The following TUBGCP2 variants were observed in gnomAD, a reference collection of about 807,000 sequenced individuals.
TUBGCP2 encodes tubulin gamma complex component 2, also known as gamma-tubulin complex component 2.
TUBGCP2 carries 55 observed loss-of-function variants against 92.2 expected under a neutral mutation model. The ratio of observed to expected loss-of-function variants is 0.60; its 90% CI spans 0.48 to 0.75. The LOEUF is 0.75. Ranked by LOEUF, TUBGCP2 falls within the 30% of genes least tolerant of loss-of-function variation. TUBGCP2 has a pLI of 0.00. For missense variants in TUBGCP2, 1,093 were observed against 1,188.9 expected, an observed-to-expected ratio of 0.92 and a Z score of 1.19; for synonymous variants, 533 against 505.2, an observed-to-expected ratio of 1.06 and a Z score of -0.74.
intron 1 of TUBGCP2, 169 bp downstream of exon 1, chr10:133,308,654 T>C (rs1847888446): frequency 4.5e-6 from 1 of 221,556 alleles, no homozygotes; most frequent in Non-Finnish European, 8.8e-6. Flanking sequence ...GCCTGGCCGG[T>C]GCAGGCCCGA....
intron 5 of TUBGCP2, chr10:133,295,125 C>G (rs1358961833): frequency 6.6e-6 from 1 of 152,270 alleles, no homozygotes; most frequent in Non-Finnish European, 1.5e-5. Context: ...TAGTGTGGAT[C>G]CAGCCGCCTG....
chr10:133,283,807 C>G, intron 14 of TUBGCP2, 75 bp downstream of exon 14: 2 of 1,587,080 alleles, frequency 1.3e-6, no homozygotes, highest in Non-Finnish European at 1.7e-6. Flanking sequence ...CTCGCCCTGC[C>G]TCTCCTGCAC....
intron 15 of TUBGCP2, 143 bp from the exon 16 acceptor site, chr10:133,282,485 C>T (rs1847008979): frequency 5.8e-6 from 7 of 1,199,756 alleles, no homozygotes; most frequent in Non-Finnish European, 7.8e-6. Context: ...TCTGAGGCTG[C>T]AGGGGAAATG....
chr10:133,308,781 A>T (rs1355940466), intron 1 of TUBGCP2, 42 bp downstream of exon 1: 6 of 424,544 alleles, frequency 1.4e-5, no homozygotes, highest in Non-Finnish European at 1.9e-5. Flanking sequence ...CAGTCCCCCA[A>T]CCCCCTCATC....
chr10:133,279,957 G>A, intron 17 of TUBGCP2, 56 bp from the exon 18 acceptor site: 3 of 1,577,742 alleles, frequency 1.9e-6, no homozygotes, highest in Non-Finnish European at 2.6e-6. Context: ...GTGCATGCTG[G>A]GCAGCAGGGG....
chr10:133,288,739 C>T lies in TUBGCP2; in HGVS notation c.1541+101G>A, dbSNP rs199932660. 401 of 1,329,734 alleles carry T rather than the reference C, an allele frequency of 3.0e-4. 2 individuals are homozygous for T. The East Asian group carries it at 4.3e-3, about 14-fold the overall frequency. The allele number at this position is 1,329,734 out of a possible 1,614,324, so 82.4% of individuals were successfully genotyped here. On this transcript the variant is annotated intron_variant, in intron 10 of 17. Coordinates refer to ENST00000252936, the MANE Select transcript of TUBGCP2 (RefSeq NM_006659.4). ...AGTGCCCACTTTCAAAAAGACAAGG[C>T]GGAGCTGCCAGAAGAAACCCAGCGA...
chr10:133,284,958 C>T (rs542147251), intron 13 of TUBGCP2, 127 bp downstream of exon 13: 13 of 1,403,668 alleles, frequency 9.3e-6, no homozygotes, highest in Non-Finnish European at 1.2e-5. Context: ...ACGTGCGCTT[C>T]CAGATGACAC....
chr10:133,289,753 G>A, intron 9 of TUBGCP2, 71 bp downstream of exon 9: 1 of 1,094,788 alleles, frequency 9.1e-7, no homozygotes, highest in African/African-American at 2.1e-5. Flanking sequence ...CGGTGGGAGG[G>A]CCTGGGCTGC....
Position 133,285,464 on chromosome 10 carries a change from G to A in TUBGCP2, c.1887C>T (p.Ile629=). 1 of 1,613,654 alleles carries A rather than the reference G, an allele frequency of 6.2e-7. No individual in the cohort carries two copies. The highest frequency in any genetic ancestry group is 8.5e-7 in the Non-Finnish European group (1 of 1,179,914). ...GAGCAGCCGACCCGCACCTGTTGAT[G>A]ATGAGCGAAAGGGGCCACTTGACGA... ...DYIVKWPLSL[I]INRKALTRYQ... is the part of the protein sequence containing the mutation. The change falls in exon 12 of 18, where the codon ATC becomes ATT. Residue 629 remains isoleucine (I), a synonymous_variant. Transcript: ENST00000252936. The surrounding 1 kb of genome is among the most constrained non-coding windows in gnomAD (Gnocchi z 6.8).
intron 1 of TUBGCP2, among the ~76,000 whole-genome samples, chr10:133,305,392 T>C (rs570469603): frequency 2.6e-5 from 4 of 152,316 alleles, no homozygotes; most frequent in Admixed American, 2.0e-4. Flanking sequence ...TCACACTCTT[T>C]ACCCTGCCCC....
intron 11 of TUBGCP2, among the ~76,000 whole-genome samples, chr10:133,286,231 G>A (rs1341587495): frequency 1.3e-5 from 2 of 152,086 alleles, no homozygotes; most frequent in African/African-American, 4.8e-5. Context: ...AATAGCCAAG[G>A]TGGGAGCTTT....
rs150131271 is a variant in TUBGCP2, at chr10:133,293,208, G to A, written c.855C>T (p.Tyr285=). The stretch of plus-strand genomic sequence containing the variant: ...CCGCCAGGGCGTGGTTCACCTGCCC[G>A]TACTCGAAGGAAGACTTCTCTTCAA... The part of the protein sequence containing the change: ...RFIEEKSSFE[Y]GQVNHALAAA... The change falls in exon 7 of 18, where the codon TAC becomes TAT. Residue 285 remains tyrosine, a synonymous_variant. Coordinates refer to ENST00000252936, the MANE Select transcript of TUBGCP2 (RefSeq NM_006659.4). 2.2e-4 allele frequency: 356 copies of A among 1,613,752 alleles called. No homozygotes were observed. In the African/African-American group the frequency reaches 3.1e-3, roughly 14 times the overall value.
At chr10:133,289,139 C>A in intron 9 of TUBGCP2, 119 bp from the exon 10 acceptor site, 1 of 1,156,704 alleles carries the variant, frequency 8.6e-7, no homozygotes, top group Non-Finnish European at 1.2e-6. Flanking sequence ...CACGGTCAGT[C>A]TGAGGCCCCA....
intron 1 of TUBGCP2, among the ~76,000 whole-genome samples, chr10:133,305,877 G>C (rs572757089): frequency 6.6e-6 from 1 of 152,348 alleles, no homozygotes; most frequent in East Asian, 1.9e-4. Context: ...GCGCCATGGA[G>C]CCCCATGCAG....
intron 1 of TUBGCP2, among the ~76,000 whole-genome samples, chr10:133,303,914 C>T (rs975392053): frequency 2.0e-5 from 3 of 152,204 alleles, no homozygotes; most frequent in Non-Finnish European, 2.9e-5. Flanking sequence ...CAGAACACTG[C>T]GTGGGGTCAG....
chr10:133,299,904 G>A, intron 3 of TUBGCP2, 81 bp downstream of exon 3: 1 of 1,552,204 alleles, frequency 6.4e-7, no homozygotes, highest in Admixed American at 1.9e-5. Context: ...CAGGAAGATG[G>A]CGTGGAGTGA....
intron 14 of TUBGCP2, 116 bp downstream of exon 14, chr10:133,283,766 C>A: frequency 6.6e-7 from 1 of 1,506,966 alleles, no homozygotes; most frequent in Non-Finnish European, 9.0e-7. Flanking sequence ...TCCCTGCATT[C>A]CCTGCCTCTC....
chr10:133,291,156 C>T, intron 8 of TUBGCP2: 1 of 358,834 alleles, frequency 2.8e-6, no homozygotes, highest in Non-Finnish European at 5.0e-6. Context: ...CCATGGGCAG[C>T]AGGCGGACAT....
chr10:133,285,710 C>A lies in TUBGCP2; in HGVS notation c.1723-82G>T. On this transcript the variant is annotated intron_variant, in intron 11 of 17. Transcript: ENST00000252936. This position sits in a 1 kb window ranked among gnomAD's most constrained non-coding sequence, Gnocchi z 6.8. ...GCATCCCGATCGCCATCCTCGCTCACAGACCCAGCGCTGACGTAAGGTTCC... is the reference window on the plus strand; with the variant it reads ...GCATCCCGATCGCCATCCTCGCTCAAAGACCCAGCGCTGACGTAAGGTTCC... 2 of 1,377,424 alleles carry A rather than the reference C, an allele frequency of 1.5e-6. No individual in the cohort carries two copies. Among genetic ancestry groups the A allele is most frequent in the Non-Finnish European group, 1.9e-6 (2 of 1,043,720 alleles). The allele number at this position is 1,377,424 out of a possible 1,614,324, so 85.3% of individuals were successfully genotyped here.
Sources: allele counts gnomAD v4.1 joint callset (sites outside exome capture counted in the v4.1 genomes callset), GRCh38; gene constraint gnomAD v4.1.1; non-coding constraint Gnocchi (gnomAD v3.1); transcripts MANE v1.5; gene names NCBI Gene and HGNC (gene_info 2026-07-23, HGNC 2026-07-21).